The following FUT8 variants were observed in gnomAD, a reference collection of about 807,000 sequenced individuals.
FUT8 encodes alpha-(1,6)-fucosyltransferase.
A neutral mutation model predicts 71.3 loss-of-function variants in FUT8; 29 were observed. The observed-to-expected ratio is 0.41, with a 90% CI of 0.30 to 0.55. The LOEUF is 0.55. Among genes scored for constraint, FUT8 ranks in the 20% least tolerant of loss-of-function variants. FUT8 has a pLI of 0.34. For synonymous variants in FUT8, 254 were observed against 239.3 expected, an observed-to-expected ratio of 1.06 and a Z score of -0.57; for missense variants, 544 against 702.1, an observed-to-expected ratio of 0.77 and a Z score of 2.55.
chr14:65,657,783 T>C (rs1394524952), intron 6 of FUT8, among the ~76,000 whole-genome samples: 1 of 152,094 alleles, frequency 6.6e-6, no homozygotes, highest in Non-Finnish European at 1.5e-5. Flanking sequence ...AGCAGGGTGA[T>C]AGTCAATAAT....
chr14:65,407,945 T>C (rs1206852101), upstream of FUT8, among the ~76,000 whole-genome samples: 1 of 152,212 alleles, frequency 6.6e-6, no homozygotes. Context: ...CCCCCAGATA[T>C]GGACTGAAAA....
intron 3 of FUT8, among the ~76,000 whole-genome samples, chr14:65,566,517 A>G (rs10146510): frequency 0.011 from 1,600 of 152,114 alleles, 29 homozygotes; most frequent in African/African-American, 0.037. Context: ...ATAGAGAACA[A>G]TAGTTGGTTT....
intron 7 of FUT8, among the ~76,000 whole-genome samples, chr14:65,719,424 C>A (rs1241232038): frequency 6.6e-6 from 1 of 152,136 alleles, no homozygotes; most frequent in Non-Finnish European, 1.5e-5. Context: ...TGAAAGGTCA[C>A]ATATCTATGT....
At chr14:65,737,682 A>G (rs994754277) in intron 10 of FUT8, among the ~76,000 whole-genome samples, 1 of 152,140 alleles carries the variant, frequency 6.6e-6, no homozygotes, top group Non-Finnish European at 1.5e-5. Flanking sequence ...TGCTCACTTT[A>G]AAGACTAACA....
intron 1 of FUT8, among the ~76,000 whole-genome samples, chr14:65,423,221 T>C (rs1195739263): frequency 3.3e-5 from 5 of 151,204 alleles, no homozygotes; most frequent in Non-Finnish European, 7.4e-5. Context: ...CCTGACCTTG[T>C]GATCTGCCCA....
At chr14:65,730,183 G>T (rs1020517146) in intron 9 of FUT8, among the ~76,000 whole-genome samples, 1 of 152,180 alleles carries the variant, frequency 6.6e-6, no homozygotes, top group Admixed American at 6.5e-5. Flanking sequence ...GTGAAGAGAT[G>T]AAAAATTAAA....
intron 7 of FUT8, among the ~76,000 whole-genome samples, chr14:65,687,016 T>G (rs1002094962): frequency 6.6e-6 from 1 of 152,206 alleles, no homozygotes; most frequent in African/African-American, 2.4e-5. Context: ...TAGAATGGAC[T>G]CTTTGTGTTT....
At chr14:65,481,147 C>G (rs1249538097) in intron 2 of FUT8, among the ~76,000 whole-genome samples, 1 of 152,012 alleles carries the variant, frequency 6.6e-6, no homozygotes, top group Non-Finnish European at 1.5e-5. Context: ...TCATCATCAT[C>G]TTAATGGGTG....
chr14:65,738,079 C>G (rs1267778689), intron 10 of FUT8, among the ~76,000 whole-genome samples: 1 of 152,076 alleles, frequency 6.6e-6, no homozygotes, highest in African/African-American at 2.4e-5. Flanking sequence ...GAGCAGAAGA[C>G]AAGAAAAGTA....
chr14:65,527,629 T>G (rs1300591199), intron 2 of FUT8, among the ~76,000 whole-genome samples: 1 of 152,142 alleles, frequency 6.6e-6, no homozygotes, highest in East Asian at 1.9e-4. Context: ...GGCGCTCTGA[T>G]TTTTAGAATT....
At chr14:65,675,869 C>T (rs1892691504) in intron 7 of FUT8, among the ~76,000 whole-genome samples, 2 of 151,152 alleles carry the variant, frequency 1.3e-5, no homozygotes, top group Non-Finnish European at 2.9e-5. Flanking sequence ...TGGTGATGGG[C>T]ACCTGTAATC....
At position 65,643,430 on chromosome 14, in the gene FUT8, G is replaced by A. The variant is rs891898863; in HGVS notation, c.597+13824G>A. ...AGCACTTTGGGAGGCCGAGGCAGGC[G>A]GGTCACGAGGTCAGGAGATCGAGAC... On this transcript the variant is annotated intron_variant, in intron 6 of 10. Transcript: ENST00000673929. This position sits in a 1 kb window ranked among gnomAD's most constrained non-coding sequence, Gnocchi z 4.5. Among the ~76,000 whole-genome samples, 18 of 152,196 alleles carry A rather than the reference G, an allele frequency of 1.2e-4. No individual in the cohort carries two copies. The highest frequency in any genetic ancestry group is 2.9e-4 in the African/African-American group (12 of 41,526).
At position 65,634,134 on chromosome 14, in the gene FUT8, G is replaced by A. The variant is rs371129370; in HGVS notation, c.597+4528G>A. On this transcript the variant is annotated intron_variant, in intron 6 of 10. Transcript: ENST00000673929. Reference sequence around the variant, plus strand: ...TGTGGAATAGAAAGGGGGGAAAGGTGGGGAAAAGATTGAGAAATCGGATGG... The same window carrying A: ...TGTGGAATAGAAAGGGGGGAAAGGTAGGGAAAAGATTGAGAAATCGGATGG... Among the ~76,000 whole-genome samples, 733 of 152,206 alleles carry A rather than the reference G, an allele frequency of 4.8e-3. 7 individuals are homozygous for A. Among genetic ancestry groups the A allele is most frequent in the African/African-American group, 0.017 (696 of 41,512 alleles).
At chr14:65,522,877 C>G (rs1207670650) in intron 2 of FUT8, among the ~76,000 whole-genome samples, 1 of 152,126 alleles carries the variant, frequency 6.6e-6, no homozygotes, top group Non-Finnish European at 1.5e-5. Context: ...CCAGCTTCAT[C>G]CACATCCCTA....
chr14:65,523,110 A>C (rs917984571), intron 2 of FUT8, among the ~76,000 whole-genome samples: 1 of 152,180 alleles, frequency 6.6e-6, no homozygotes, highest in African/African-American at 2.4e-5. Flanking sequence ...GGCTGGGTCA[A>C]ATGGTATTTC....
At chr14:65,619,134 TG>T (rs1022333474) in intron 5 of FUT8, among the ~76,000 whole-genome samples, 4 of 152,336 alleles carry the variant, frequency 2.6e-5, no homozygotes, top group Non-Finnish European at 5.9e-5. Context: ...TGCACATATT[TG>T]GTGTCAGAAG....
At chr14:65,655,142 T>A (rs1047013175) in intron 6 of FUT8, among the ~76,000 whole-genome samples, 2 of 151,744 alleles carry the variant, frequency 1.3e-5, no homozygotes, top group Non-Finnish European at 2.9e-5. Flanking sequence ...AGTGAAATGA[T>A]GGGCAGATAC....
At chr14:65,447,309 C>G (rs1391310488) in intron 1 of FUT8, among the ~76,000 whole-genome samples, 1 of 150,552 alleles carries the variant, frequency 6.6e-6, no homozygotes, top group South Asian at 2.1e-4. Flanking sequence ...AAAAAAAAAC[C>G]CAAAAGAAAG....
At position 65,603,375 on chromosome 14, in the gene FUT8, T is replaced by C. The variant is rs1888408664; in HGVS notation, c.204-12603T>C. ...CCACTACCACACTGTTTCGGTGACT[T>C]ACGGCCGTATAGTATGGTTTGAAAT... On this transcript the variant is annotated intron_variant, in intron 3 of 10. Transcript: ENST00000673929. This position sits in a 1 kb window ranked among gnomAD's most constrained non-coding sequence, Gnocchi z 4.5. Among the ~76,000 whole-genome samples, 1 of 151,804 alleles carries C rather than the reference T, an allele frequency of 6.6e-6. No homozygotes were observed. Among genetic ancestry groups the C allele is most frequent in the Non-Finnish European group, 1.5e-5 (1 of 67,882 alleles).
Sources: allele counts gnomAD v4.1 joint callset (sites outside exome capture counted in the v4.1 genomes callset), GRCh38; gene constraint gnomAD v4.1.1; non-coding constraint Gnocchi (gnomAD v3.1); transcripts MANE v1.5; gene names NCBI Gene and HGNC (gene_info 2026-07-23, HGNC 2026-07-21).